Variants in ITK observed in about 807,000 individuals in gnomAD.
The protein encoded by ITK is IL2 inducible T cell kinase.
Under a neutral mutation model 87.6 loss-of-function variants are expected in ITK, and 45 were observed. That is an observed-to-expected ratio of 0.51 (90% CI 0.40 to 0.66). The LOEUF (loss-of-function observed/expected upper bound fraction) is 0.66. ITK is among the 30% of genes least tolerant of loss of function. The probability of loss-of-function intolerance (pLI) is 0.00; values close to 1 mark genes in which losing one functional copy is unlikely to be tolerated. For synonymous variants in ITK, 303 were observed against 273.6 expected (o/e 1.11, Z -1.06); for missense variants, 605 against 766.3 (o/e 0.79, Z 2.48).
rs1753748543 is a variant in ITK, at chr5:157,191,246, C to T, written c.138+10131C>T. On this transcript the variant is annotated intron_variant, in intron 1 of 16. Transcript: ENST00000422843. ...CCTCCGCAGTGGTCTTATGTTTTAA[C>T]TTTTTTGTGGCATCCTTCTTCCTGG... is the stretch of plus-strand genomic sequence containing the variant. Among the ~76,000 whole-genome samples, 3 of 152,088 alleles carry T rather than the reference C, an allele frequency of 2.0e-5. No individual in the cohort carries two copies. In the South Asian group the frequency reaches 6.2e-4, roughly 32 times the overall value.
At chr5:157,194,218 C>T (rs1442340307) in intron 1 of ITK, among the ~76,000 whole-genome samples, 2 of 152,096 alleles carry the variant, frequency 1.3e-5, no homozygotes, top group African/African-American at 4.8e-5. Context: ...AGCATCTCAG[C>T]CAGTTTCTCG....
intron 4 of ITK, 21 bp downstream of exon 4, chr5:157,214,340 T>C: frequency 6.2e-7 from 1 of 1,608,500 alleles, no homozygotes; most frequent in Non-Finnish European, 8.5e-7. Flanking sequence ...GGGAATTCCC[T>C]CTAGTTTTTG....
At chr5:157,205,220 GT>G (rs1357067846) in intron 1 of ITK, among the ~76,000 whole-genome samples, 2 of 152,172 alleles carry the variant, frequency 1.3e-5, no homozygotes, top group African/African-American at 4.8e-5. Flanking sequence ...CTTATCAGAT[GT>G]AAAAACCAGG....
At position 157,254,525 on chromosome 5, in the gene ITK, C is replaced by T. The variant is rs1367687372; in HGVS notation, c.*1847C>T. ...TAAGAGAGGATGGTGTTGCAATTGG[C>T]TCTTTCTAAATCATGTGACGTTTTG... is the stretch of plus-strand genomic sequence containing the variant. On this transcript the variant is annotated 3_prime_UTR_variant, in exon 17 of 17. Transcript: ENST00000422843. 4.5e-6 allele frequency: 1 copy of T among 221,158 alleles called. No homozygotes were observed. The highest frequency in any genetic ancestry group is 6.6e-5 in the East Asian group (1 of 15,054). 13.7% of individuals were successfully genotyped at this position (221,158 alleles called of 1,614,324 possible).
intron 2 of ITK, among the ~76,000 whole-genome samples, chr5:157,210,099 T>A (rs1754158618): frequency 6.6e-6 from 1 of 152,170 alleles, no homozygotes; most frequent in African/African-American, 2.4e-5. Context: ...CTAATTTTTG[T>A]ATTTTTAGTA....
intron 1 of ITK, among the ~76,000 whole-genome samples, chr5:157,201,731 T>G (rs1753979594): frequency 8.1e-6 from 1 of 123,890 alleles, no homozygotes. Flanking sequence ...CCACATAATT[T>G]TCCACAAAAA....
At chr5:157,252,534 T>C in intron 16 of ITK, 73 bp from the exon 17 acceptor site, 2 of 1,084,060 alleles carry the variant, frequency 1.8e-6, no homozygotes, top group Non-Finnish European at 2.9e-6. Context: ...TGCTATTAAA[T>C]TCTGGTTTGT....
At chr5:157,230,863 T>G (rs1440483468) in intron 7 of ITK, among the ~76,000 whole-genome samples, 1 of 152,230 alleles carries the variant, frequency 6.6e-6, no homozygotes, top group African/African-American at 2.4e-5. Flanking sequence ...TAAGCCATTT[T>G]AAAAATAAAA....
At chr5:157,250,805 T>C (rs1755126671) in intron 16 of ITK, among the ~76,000 whole-genome samples, 1 of 152,080 alleles carries the variant, frequency 6.6e-6, no homozygotes, top group South Asian at 2.1e-4. Flanking sequence ...GGCAGACTGG[T>C]TTCCTTCACT....
chr5:157,213,372 T>G (rs1421770337), intron 3 of ITK, among the ~76,000 whole-genome samples: 1 of 152,108 alleles, frequency 6.6e-6, no homozygotes, highest in African/African-American at 2.4e-5. Context: ...GAGATTTGGG[T>G]GGGGACACAG....
intron 16 of ITK, among the ~76,000 whole-genome samples, chr5:157,250,367 C>T (rs1295812377): frequency 6.6e-6 from 1 of 152,128 alleles, no homozygotes; most frequent in African/African-American, 2.4e-5. Context: ...GCTTTAAGGT[C>T]CCTCCATGTC....
chr5:157,224,875 C>A (rs996303115), intron 6 of ITK, among the ~76,000 whole-genome samples: 3 of 151,964 alleles, frequency 2.0e-5, no homozygotes, highest in Non-Finnish European at 4.4e-5. Context: ...CATTTAGTTG[C>A]CAGTTTATTT....
chr5:157,181,251 A>C (rs1753508547), intron 1 of ITK, 136 bp downstream of exon 1: 1 of 973,782 alleles, frequency 1.0e-6, no homozygotes, highest in Non-Finnish European at 1.6e-6. Context: ...TAAAAAGTAC[A>C]GTAAAAGTAA....
intron 3 of ITK, among the ~76,000 whole-genome samples, chr5:157,212,546 C>T (rs191896838): frequency 6.6e-5 from 10 of 152,256 alleles, no homozygotes; most frequent in Admixed American, 2.0e-4. Flanking sequence ...ATGGGCTGGG[C>T]GCAGTGGCTG....
chr5:157,232,678 T>C (rs1379147460), intron 8 of ITK, among the ~76,000 whole-genome samples: 1 of 152,244 alleles, frequency 6.6e-6, no homozygotes, highest in African/African-American at 2.4e-5. Context: ...CTGCGTTTTA[T>C]GCCAATGCAG....
At chr5:157,189,375 G>A (rs1180483961) in intron 1 of ITK, among the ~76,000 whole-genome samples, 1 of 152,156 alleles carries the variant, frequency 6.6e-6, no homozygotes, top group African/African-American at 2.4e-5. Context: ...CAGTCTGAAA[G>A]AAAGCAGAAG....
intron 1 of ITK, among the ~76,000 whole-genome samples, chr5:157,206,840 G>C (rs1754088310): frequency 1.3e-5 from 2 of 151,884 alleles, no homozygotes; most frequent in Admixed American, 6.6e-5. Flanking sequence ...ACCAACCCTT[G>C]GATTCATTGA....
At chr5:157,217,189 G>A (rs1468168423) in intron 4 of ITK, among the ~76,000 whole-genome samples, 1 of 152,052 alleles carries the variant, frequency 6.6e-6, no homozygotes, top group Non-Finnish European at 1.5e-5. Context: ...AGGAAGGAGA[G>A]AGAGAAAGAG....
In ITK at chr5:157,253,767, G is replaced by A; in HGVS notation, c.*1089G>A. 1 of 216,910 alleles carries A rather than the reference G, an allele frequency of 4.6e-6. No individual in the cohort carries two copies. The highest frequency in any genetic ancestry group is 9.3e-6 in the Non-Finnish European group (1 of 107,710). 13.4% of individuals were successfully genotyped at this position (216,910 alleles called of 1,614,324 possible). On this transcript the variant is annotated 3_prime_UTR_variant, in exon 17 of 17. Coordinates refer to ENST00000422843, the MANE Select transcript of ITK (RefSeq NM_005546.4). The stretch of plus-strand genomic sequence containing the variant: ...CCAAGTCTCCTAAAATTCTAGGAGA[G>A]AAATAAAGAGTCTGTTTTTGCTCAA...
Sources: allele counts gnomAD v4.1 joint callset (sites outside exome capture counted in the v4.1 genomes callset), GRCh38; gene constraint gnomAD v4.1.1; transcripts MANE v1.5; gene names NCBI Gene and HGNC (gene_info 2026-07-23, HGNC 2026-07-21).